The following MYO5A variants were observed in gnomAD, a reference collection of about 807,000 sequenced individuals.
MYO5A encodes unconventional myosin-Va.
In MYO5A, 98 loss-of-function variants were observed where a neutral mutation model predicts 249.7. The ratio of observed to expected loss-of-function variants is 0.39; its 90% CI spans 0.33 to 0.46. MYO5A has a LOEUF of 0.46. MYO5A is among the 20% of genes least tolerant of loss of function. The pLI, the probability that MYO5A is intolerant of heterozygous loss-of-function variation, is 0.98. For synonymous variants in MYO5A, 778 were observed against 810.6 expected (o/e 0.96, Z 0.68); for missense variants, 1,696 against 2,308.8 (o/e 0.73, Z 5.44).
intron 15 of MYO5A, among the ~76,000 whole-genome samples, chr15:52,383,414 T>C (rs1253266843): frequency 2.0e-5 from 3 of 152,232 alleles, no homozygotes; most frequent in Non-Finnish European, 2.9e-5. Context: ...TAAATATAGA[T>C]TCCTATACTC....
At chr15:52,356,017 A>T (rs1377357517) in intron 25 of MYO5A, among the ~76,000 whole-genome samples, 2 of 152,214 alleles carry the variant, frequency 1.3e-5, no homozygotes, top group Admixed American at 1.3e-4. Context: ...AACCATCATA[A>T]TGGAAGTTGT....
At chr15:52,524,721 T>C (rs1335893102) in intron 1 of MYO5A, among the ~76,000 whole-genome samples, 1 of 151,496 alleles carries the variant, frequency 6.6e-6, no homozygotes, top group Non-Finnish European at 1.5e-5. Context: ...AGAAGAAATT[T>C]AAAAATTAGC....
intron 1 of MYO5A, among the ~76,000 whole-genome samples, chr15:52,464,577 A>G (rs2141426082): frequency 6.6e-6 from 1 of 152,366 alleles, no homozygotes; most frequent in Non-Finnish European, 1.5e-5. Flanking sequence ...GACAACGAAC[A>G]CCGAAACCTA....
intron 1 of MYO5A, among the ~76,000 whole-genome samples, chr15:52,459,950 G>C (rs945142200): frequency 6.6e-6 from 1 of 151,024 alleles, no homozygotes; most frequent in African/African-American, 2.4e-5. Flanking sequence ...GGTCAGAGAC[G>C]CTCCTCACCT....
intron 1 of MYO5A, among the ~76,000 whole-genome samples, chr15:52,494,353 T>C (rs146283443): frequency 6.6e-6 from 1 of 152,358 alleles, no homozygotes; most frequent in African/African-American, 2.4e-5. Context: ...AGGGTCTTCT[T>C]GGTTCTGTGC....
chr15:52,495,971 A>C (rs967207279), intron 1 of MYO5A, among the ~76,000 whole-genome samples: 3 of 152,026 alleles, frequency 2.0e-5, no homozygotes, highest in Non-Finnish European at 4.4e-5. Context: ...TTAGGAGAAA[A>C]ACCTAATGTA....
intron 16 of MYO5A, 55 bp from the exon 17 acceptor site, chr15:52,379,963 A>G: frequency 6.4e-7 from 1 of 1,555,758 alleles, no homozygotes; most frequent in Non-Finnish European, 8.9e-7. Context: ...GGTGGCCACA[A>G]ATTACTCTCC....
At chr15:52,406,907 G>T (rs1299508935) in intron 8 of MYO5A, among the ~76,000 whole-genome samples, 1 of 152,116 alleles carries the variant, frequency 6.6e-6, no homozygotes, top group Non-Finnish European at 1.5e-5. Context: ...AGCTTGTAGA[G>T]GAGCCCGTTT....
chr15:52,429,427 G>A (rs2075471997), intron 2 of MYO5A, among the ~76,000 whole-genome samples: 1 of 151,886 alleles, frequency 6.6e-6, no homozygotes, highest in Non-Finnish European at 1.5e-5. Context: ...GGTGGCTCAT[G>A]CCTGTAATCC....
chr15:52,402,754 A>G (rs1426989777), intron 9 of MYO5A, among the ~76,000 whole-genome samples: 1 of 152,160 alleles, frequency 6.6e-6, no homozygotes. Context: ...CTGAGGCTGG[A>G]GAATAGCTTG....
chr15:52,394,010 T>C (rs2042376741), intron 11 of MYO5A, among the ~76,000 whole-genome samples: 2 of 152,206 alleles, frequency 1.3e-5, no homozygotes, highest in African/African-American at 4.8e-5. Context: ...GAAAAGCTCC[T>C]GGGGTCTTTA....
intron 1 of MYO5A, among the ~76,000 whole-genome samples, chr15:52,506,936 C>T (rs973198517): frequency 6.6e-6 from 1 of 152,174 alleles, no homozygotes; most frequent in Non-Finnish European, 1.5e-5. Context: ...AATTTGGCTG[C>T]CAAAGACTCC....
At chr15:52,390,748 CG>C (rs2042196276) in intron 12 of MYO5A, among the ~76,000 whole-genome samples, 1 of 151,636 alleles carries the variant, frequency 6.6e-6, no homozygotes, top group Non-Finnish European at 1.5e-5. Flanking sequence ...TTTTTGTAGA[CG>C]GGGTTTCACC....
At chr15:52,516,753 C>G (rs1022703947) in intron 1 of MYO5A, among the ~76,000 whole-genome samples, 2 of 152,156 alleles carry the variant, frequency 1.3e-5, no homozygotes, top group African/African-American at 2.4e-5. Flanking sequence ...CAACTGTCCC[C>G]GAAAGCAAAG....
chr15:52,361,885 CT>C (rs2040547570), intron 24 of MYO5A, among the ~76,000 whole-genome samples: 3 of 152,178 alleles, frequency 2.0e-5, no homozygotes, highest in Admixed American at 2.0e-4. Context: ...CCCATGATTC[CT>C]TCTTTTCCAG....
chr15:52,469,323 G>T (rs996512062), intron 1 of MYO5A, among the ~76,000 whole-genome samples: 1 of 152,096 alleles, frequency 6.6e-6, no homozygotes, highest in African/African-American at 2.4e-5. Context: ...CACATATTCT[G>T]TATATGTATT....
chr15:52,400,709 T>C (rs1007470674), intron 9 of MYO5A, among the ~76,000 whole-genome samples: 3 of 152,208 alleles, frequency 2.0e-5, no homozygotes, highest in African/African-American at 7.2e-5. Flanking sequence ...TGTTGCACTC[T>C]GCTCAGTGTG....
intron 1 of MYO5A, among the ~76,000 whole-genome samples, chr15:52,521,770 G>A (rs532076284): frequency 6.6e-6 from 1 of 152,326 alleles, no homozygotes; most frequent in African/African-American, 2.4e-5. Context: ...GAAGAGAAAT[G>A]GAGAATGCCT....
At chr15:52,471,788 T>A (rs1361006790) in intron 1 of MYO5A, among the ~76,000 whole-genome samples, 1 of 152,044 alleles carries the variant, frequency 6.6e-6, no homozygotes, top group East Asian at 1.9e-4. Context: ...AGCCTCAACC[T>A]CCCAGACTCA....
Sources: gnomAD v4.1 joint callset for allele counts (sites outside exome capture counted in the v4.1 genomes callset) on GRCh38, gnomAD v4.1.1 for gene constraint, MANE v1.5 for transcripts, NCBI Gene and HGNC (gene_info 2026-07-23, HGNC 2026-07-21) for gene names.